Variants in TENM3 observed in about 807,000 individuals in gnomAD.
TENM3 encodes the protein teneurin-3.
Under a neutral mutation model 255.1 loss-of-function variants are expected in TENM3, and 63 were observed. The ratio of observed to expected loss-of-function variants is 0.25; its 90% CI spans 0.20 to 0.30. The LOEUF (loss-of-function observed/expected upper bound fraction) is 0.30. Among genes scored for constraint, TENM3 ranks in the 10% least tolerant of loss-of-function variants. The pLI, the probability that TENM3 is intolerant of heterozygous loss-of-function variation, is 1.00. For missense variants in TENM3, 2,929 were observed against 3,461.1 expected, an observed-to-expected ratio of 0.85 and a Z score of 3.86; for synonymous variants, 1,306 against 1,322.3, an observed-to-expected ratio of 0.99 and a Z score of 0.27.
the TENM3 span, among the ~76,000 whole-genome samples, chr4:181,995,362 T>C: frequency 6.6e-6 from 1 of 151,874 alleles, no homozygotes; most frequent in African/African-American, 2.4e-5. Context: ...ATTTGTACAG[T>C]GAACATACAC....
intron 1 of TENM3, among the ~76,000 whole-genome samples, chr4:182,282,794 G>A (rs1425744325): frequency 1.3e-5 from 2 of 150,966 alleles, no homozygotes; most frequent in African/African-American, 4.9e-5. Flanking sequence ...TTGGGAGGCT[G>A]AGTCAGGAGA....
chr4:182,203,653 C>T (rs1052947759), intron 1 of TENM3, among the ~76,000 whole-genome samples: 4 of 152,154 alleles, frequency 2.6e-5, no homozygotes, highest in Admixed American at 1.3e-4. Context: ...TCTTTCCCAA[C>T]GCCTCTCCCG....
At chr4:181,636,278 C>T in the TENM3 span, among the ~76,000 whole-genome samples, 2 of 152,034 alleles carry the variant, frequency 1.3e-5, no homozygotes, top group East Asian at 1.9e-4. Context: ...CTCTTGAACT[C>T]GTGATCCACC....
chr4:181,679,791 A>G, the TENM3 span, among the ~76,000 whole-genome samples: 14 of 152,192 alleles, frequency 9.2e-5, no homozygotes, highest in Non-Finnish European at 1.9e-4. Flanking sequence ...TATAAATAAT[A>G]CATAAAACTA....
At chr4:181,821,132 C>A in the TENM3 span, among the ~76,000 whole-genome samples, 1 of 152,110 alleles carries the variant, frequency 6.6e-6, no homozygotes, top group Non-Finnish European at 1.5e-5. Context: ...TGATAGCCAC[C>A]TTCTCATTTT....
the TENM3 span, among the ~76,000 whole-genome samples, chr4:181,654,129 A>G: frequency 6.6e-6 from 1 of 150,706 alleles, no homozygotes; most frequent in African/African-American, 2.4e-5. Context: ...TTCTCCCTCA[A>G]TTTTTCTTAC....
the TENM3 span, among the ~76,000 whole-genome samples, chr4:181,685,460 T>C: frequency 6.6e-6 from 1 of 152,224 alleles, no homozygotes; most frequent in Non-Finnish European, 1.5e-5. Context: ...TTTATTAATC[T>C]CATTACATTT....
the TENM3 span, among the ~76,000 whole-genome samples, chr4:181,568,523 G>A: frequency 3.9e-5 from 6 of 151,912 alleles, no homozygotes; most frequent in African/African-American, 1.5e-4. Context: ...CCATCTTGGG[G>A]TCCACGTATC....
At chr4:182,145,556 C>T (rs1028035013) in intron 1 of TENM3, among the ~76,000 whole-genome samples, 2 of 152,174 alleles carry the variant, frequency 1.3e-5, no homozygotes, top group Non-Finnish European at 2.9e-5. Context: ...ATTCTTACTG[C>T]CTCACCTTTA....
At chr4:181,697,540 C>T in the TENM3 span, among the ~76,000 whole-genome samples, 1 of 152,028 alleles carries the variant, frequency 6.6e-6, no homozygotes, top group Non-Finnish European at 1.5e-5. Context: ...ACTACAGGCA[C>T]CCACTACCAC....
At chr4:182,279,276 ATATG>A (rs1291862092) in intron 1 of TENM3, among the ~76,000 whole-genome samples, 1 of 152,156 alleles carries the variant, frequency 6.6e-6, no homozygotes, top group Non-Finnish European at 1.5e-5. Context: ...ATATGCATAT[ATATG>A]TGTGTATTAA....
At chr4:181,605,496 AAGAAAGAAAG>A in the TENM3 span, among the ~76,000 whole-genome samples, 1 of 9,780 alleles carries the variant, frequency 1.0e-4, no homozygotes, top group African/African-American at 3.3e-4. Flanking sequence ...GAAAGAAAGA[AAGAAAGAAAG>A]AAAGAAAGAA....
the TENM3 span, among the ~76,000 whole-genome samples, chr4:181,862,800 A>G: frequency 1.8e-4 from 27 of 152,312 alleles, no homozygotes; most frequent in African/African-American, 6.3e-4. Context: ...AGAGCAATAG[A>G]GCACTGTTCC....
the TENM3 span, among the ~76,000 whole-genome samples, chr4:181,764,376 A>G: frequency 3.3e-5 from 5 of 152,164 alleles, no homozygotes; most frequent in African/African-American, 7.2e-5. Flanking sequence ...TGACTTTATG[A>G]CACAGAACAC....
the TENM3 span, among the ~76,000 whole-genome samples, chr4:181,656,658 TA>T: frequency 6.6e-6 from 1 of 152,116 alleles, no homozygotes; most frequent in South Asian, 2.1e-4. Context: ...GAATAGCTGA[TA>T]ATTGATGTTT....
the TENM3 span, among the ~76,000 whole-genome samples, chr4:181,970,901 T>G: frequency 6.6e-6 from 1 of 152,206 alleles, no homozygotes; most frequent in African/African-American, 2.4e-5. Flanking sequence ...CTAGGAAAGA[T>G]TTTTATTAAG....
the TENM3 span, among the ~76,000 whole-genome samples, chr4:181,710,364 G>A: frequency 6.6e-6 from 1 of 152,128 alleles, no homozygotes; most frequent in Non-Finnish European, 1.5e-5. Context: ...CAAATAAGAT[G>A]CAGACTGGGA....
intron 3 of TENM3, among the ~76,000 whole-genome samples, chr4:182,512,160 A>G (rs1166825229): frequency 6.6e-6 from 1 of 152,156 alleles, no homozygotes; most frequent in African/African-American, 2.4e-5. Context: ...TGATAAGGCT[A>G]CATTTCCCAG....
chr4:182,185,025 G>C (rs748557892), intron 1 of TENM3, among the ~76,000 whole-genome samples: 2 of 152,024 alleles, frequency 1.3e-5, no homozygotes, highest in Non-Finnish European at 2.9e-5. Flanking sequence ...GGAGGTTGCA[G>C]TGAGCCGAGA....
Sources: gnomAD v4.1 joint callset for allele counts (sites outside exome capture counted in the v4.1 genomes callset) on GRCh38, gnomAD v4.1.1 for gene constraint, MANE v1.5 for transcripts, NCBI Gene and HGNC (gene_info 2026-07-23, HGNC 2026-07-21) for gene names.